Variants in PTPRN2 observed in about 807,000 individuals in gnomAD.
PTPRN2 encodes protein tyrosine phosphatase receptor type N2.
PTPRN2 carries 74 observed loss-of-function variants against 118.8 expected under a neutral mutation model. The observed-to-expected ratio is 0.62, with a 90% confidence interval of 0.52 to 0.76. PTPRN2 has a LOEUF of 0.76. Among genes scored for constraint, PTPRN2 ranks in the 30% least tolerant of loss-of-function variants. The pLI is 0.00. For missense variants in PTPRN2, 1,481 were observed against 1,394.4 expected (o/e 1.06, Z -0.99); for synonymous variants, 641 against 608.0 (o/e 1.05, Z -0.80).
chr7:157,895,182 A>G (rs2081231684), intron 12 of PTPRN2, among the ~76,000 whole-genome samples: 1 of 152,110 alleles, frequency 6.6e-6, no homozygotes, highest in Admixed American at 6.6e-5. Context: ...AAAATAAGCC[A>G]GAGGATCTGG....
chr7:158,115,631 C>T (rs542782166), intron 9 of PTPRN2, among the ~76,000 whole-genome samples: 24 of 152,076 alleles, frequency 1.6e-4, no homozygotes, highest in African/African-American at 5.5e-4. Flanking sequence ...TGAGAAAATG[C>T]CATCTGCAAC....
chr7:158,081,168 C>G, intron 11 of PTPRN2, 130 bp downstream of exon 11: 3 of 909,288 alleles, frequency 3.3e-6, no homozygotes, highest in Non-Finnish European at 5.3e-6. Flanking sequence ...AAACCGAGAC[C>G]TTCCTCTGGG....
rs902935759 is a variant in PTPRN2 at position 158,003,027 on chromosome 7, T to A, written c.1723+78271A>T. Among the ~76,000 whole-genome samples the A allele has an allele frequency of 2.0e-5, 3 of 152,110 alleles. No individual in the cohort carries two copies. The highest frequency in any genetic ancestry group is 6.5e-5 in the Admixed American group (1 of 15,276). On this transcript the variant is annotated intron_variant, in intron 11 of 22. Transcript: ENST00000389418. The surrounding 1 kb of genome is among the most constrained non-coding windows in gnomAD (Gnocchi z 5.0). ...AGCACAGGAGAGGGCAGGAGATGTT[T>A]GGCTTCTGTCATGAGCTGACCTGTG...
chr7:157,912,430 A>T (rs1011954048), intron 11 of PTPRN2, among the ~76,000 whole-genome samples: 1 of 152,176 alleles, frequency 6.6e-6, no homozygotes, highest in Non-Finnish European at 1.5e-5. Flanking sequence ...TTTGTCAGTT[A>T]TGTGGGCTGC....
chr7:158,351,663 C>CA (rs1209429726), intron 2 of PTPRN2, among the ~76,000 whole-genome samples: 4 of 152,170 alleles, frequency 2.6e-5, no homozygotes, highest in African/African-American at 9.7e-5. Context: ...TCAACAACTC[C>CA]ATGTGAACAC....
At position 158,273,463 on chromosome 7, in the gene PTPRN2, G is replaced by A. The variant is rs981046386; in HGVS notation, c.277+43356C>T. ...AGACGCGGGAGGAGCCGCAGACGCA[G>A]GGGGAGCCGCAGGCACAGGGGGAGC... On this transcript the variant is annotated intron_variant, in intron 3 of 22. Coordinates refer to ENST00000389418, the MANE Select transcript of PTPRN2 (RefSeq NM_002847.5). 6.2e-4 allele frequency among the ~76,000 whole-genome samples: 47 copies of A among 76,206 alleles called. 1 individual carries two copies. Among genetic ancestry groups the A allele is most frequent in the African/African-American group, 4.5e-3 (46 of 10,170 alleles). 50.0% of individuals were successfully genotyped at this position (76,206 alleles called of 152,430 possible).
rs1003662536 is a variant in PTPRN2, at chr7:158,134,138, A to G, written c.1174-79T>C. ...CACATGCAATCAAGGGCTGCCCGGGACAGAGTCACTGTGGGGATGACATGG... is the reference window on the plus strand; with the variant it reads ...CACATGCAATCAAGGGCTGCCCGGGGCAGAGTCACTGTGGGGATGACATGG... On this transcript the variant is annotated intron_variant, in intron 8 of 22. Coordinates refer to ENST00000389418, the MANE Select transcript of PTPRN2 (RefSeq NM_002847.5). The G allele has an allele frequency of 1.6e-5, 24 of 1,488,662 alleles. No homozygotes were observed. In the Admixed American group the frequency reaches 4.2e-4, roughly 26 times the overall value. The allele number at this position is 1,488,662 out of a possible 1,614,324, so 92.2% of individuals were successfully genotyped here.
At chr7:158,095,654 A>G (rs995997470) in intron 10 of PTPRN2, among the ~76,000 whole-genome samples, 2 of 152,184 alleles carry the variant, frequency 1.3e-5, no homozygotes, top group African/African-American at 4.8e-5. Flanking sequence ...AGCCCCTGTT[A>G]TGGGCCAGAA....
rs1803775986 is a variant in PTPRN2 at position 157,986,173 on chromosome 7, A to G, written c.1724-87436T>C. Among the ~76,000 whole-genome samples the G allele has an allele frequency of 6.6e-6, 1 of 152,168 alleles. No individual in the cohort carries two copies. Among genetic ancestry groups the G allele is most frequent in the South Asian group, 2.1e-4 (1 of 4,830 alleles). ...CCCTCATCTACAGCCCCGCTCTCGT[A>G]TGTCCGGGGGAAGCTATGGAGAGGG... On this transcript the variant is annotated intron_variant, in intron 11 of 22. Transcript: ENST00000389418. The surrounding 1 kb of genome is among the most constrained non-coding windows in gnomAD (Gnocchi z 4.5).
chr7:157,911,289 C>G (rs948296801), intron 11 of PTPRN2, among the ~76,000 whole-genome samples: 1 of 152,154 alleles, frequency 6.6e-6, no homozygotes, highest in Non-Finnish European at 1.5e-5. Flanking sequence ...AAAAGATGCC[C>G]CCTTAGAGAT....
In PTPRN2 at chr7:157,868,100, G is replaced by C. The variant is rs1810825188; in HGVS notation, c.1788+30573C>G. Among the ~76,000 whole-genome samples the C allele has an allele frequency of 6.6e-6, 1 of 152,210 alleles. No individual in the cohort carries two copies. The highest frequency in any genetic ancestry group is 1.5e-5 in the Non-Finnish European group (1 of 68,034). The stretch of plus-strand genomic sequence containing the variant: ...GGGCAAGAGGCCCACATGCACCTTA[G>C]AAAGGGCCCGAAACAGTTCACGAGT... On this transcript the variant is annotated intron_variant, in intron 12 of 22. Coordinates refer to ENST00000389418, the MANE Select transcript of PTPRN2 (RefSeq NM_002847.5). This position sits in a 1 kb window ranked among gnomAD's most constrained non-coding sequence, Gnocchi z 5.2.
At chr7:158,010,935 C>T (rs1170277590) in intron 11 of PTPRN2, among the ~76,000 whole-genome samples, 3 of 152,156 alleles carry the variant, frequency 2.0e-5, no homozygotes, top group Admixed American at 6.5e-5. Context: ...AGGAAGAGCC[C>T]CATTTTAACA....
rs75374694 is a variant in PTPRN2 at position 158,493,047 on chromosome 7, C to T, written c.113-3262G>A. ...AGCACTTAAAACTGGAATTCCTTCA[C>T]TTCAATGTATTATCCACCCTTTTGC... is the stretch of plus-strand genomic sequence containing the variant. On this transcript the variant is annotated intron_variant, in intron 1 of 22. Transcript: ENST00000389418. 5.5e-3 allele frequency among the ~76,000 whole-genome samples: 841 copies of T among 152,374 alleles called. 7 individuals carry two copies. The highest frequency in any genetic ancestry group is 0.019 in the African/African-American group (779 of 41,588).
intron 2 of PTPRN2, among the ~76,000 whole-genome samples, chr7:158,378,849 T>C (rs190626319): frequency 1.3e-3 from 201 of 152,338 alleles, no homozygotes; most frequent in African/African-American, 4.4e-3. Flanking sequence ...ATATATAAAA[T>C]ACTTGACAAA....
chr7:157,709,806 G>A (rs780396971), intron 12 of PTPRN2, among the ~76,000 whole-genome samples: 8 of 152,242 alleles, frequency 5.3e-5, no homozygotes, highest in Admixed American at 3.9e-4. Context: ...ACACATACAA[G>A]TCGGATATTC....
At chr7:157,732,063 T>C (rs1388532221) in intron 12 of PTPRN2, among the ~76,000 whole-genome samples, 32 of 73,274 alleles carry the variant, frequency 4.4e-4, no homozygotes, top group East Asian at 1.0e-3. Flanking sequence ...GTTACTCTTT[T>C]CCACCCCATG....
chr7:157,815,019 G>A (rs1454522862), intron 12 of PTPRN2, among the ~76,000 whole-genome samples: 1 of 152,214 alleles, frequency 6.6e-6, no homozygotes, highest in Non-Finnish European at 1.5e-5. Context: ...CTTCCACACG[G>A]GGCCCTGCGT....
chr7:158,342,182 A>G (rs1217716108), intron 2 of PTPRN2, among the ~76,000 whole-genome samples: 1 of 141,610 alleles, frequency 7.1e-6, no homozygotes, highest in Non-Finnish European at 1.5e-5. Flanking sequence ...ATAAGAGCCG[A>G]CGCCCACAGA....
chr7:158,056,072 A>G (rs1342382317), intron 11 of PTPRN2, among the ~76,000 whole-genome samples: 1 of 151,888 alleles, frequency 6.6e-6, no homozygotes, highest in Non-Finnish European at 1.5e-5. Flanking sequence ...TTCAGTCTGG[A>G]ATCTTCGGAG....
Sources: allele counts gnomAD v4.1 joint callset (sites outside exome capture counted in the v4.1 genomes callset), GRCh38; gene constraint gnomAD v4.1.1; non-coding constraint Gnocchi (gnomAD v3.1); transcripts MANE v1.5; gene names NCBI Gene and HGNC (gene_info 2026-07-23, HGNC 2026-07-21).